Variants in NKX3-2 observed in about 807,000 individuals in gnomAD.
NKX3-2 encodes homeobox protein Nkx-3.2.
A neutral mutation model predicts 19.4 loss-of-function variants in NKX3-2; 13 were observed. That is an observed-to-expected ratio of 0.67 (90% CI 0.44 to 1.07). The LOEUF (loss-of-function observed/expected upper bound fraction) is 1.07, where lower values mean the gene tolerates loss of function less well. NKX3-2 is among the 50% of genes least tolerant of loss of function. NKX3-2 has a pLI of 0.00. For missense variants in NKX3-2, 562 were observed against 488.2 expected, an observed-to-expected ratio of 1.15 and a Z score of -1.42; for synonymous variants, 269 against 230.5, an observed-to-expected ratio of 1.17 and a Z score of -1.51.
chr4:13,547,517 C>A (rs1718164123), upstream of NKX3-2: 1 of 229,994 alleles, frequency 4.3e-6, no homozygotes, highest in Non-Finnish European at 8.5e-6. Context: ...TCCGCGCCCA[C>A]GGGCCCATTT....
rs1718048105 is a variant in NKX3-2, at chr4:13,543,820, ACTT to A, written c.466+126_466+128del. 2.4e-6 allele frequency: 2 copies of A among 850,010 alleles called. No homozygotes were observed. The highest frequency in any genetic ancestry group is 3.4e-6 in the Non-Finnish European group (2 of 579,912). The allele number at this position is 850,010 out of a possible 1,614,324, so 52.7% of individuals were successfully genotyped here. A position where few individuals can be genotyped will look rare whatever the true frequency, so the allele number is the denominator to read the frequency against. On this transcript the variant is annotated intron_variant, in intron 1 of 1. Transcript: ENST00000382438. The surrounding 1 kb of genome is among the most constrained non-coding windows in gnomAD (Gnocchi z 7.1). ...AGAGCAGCTCGCGCCAGAGCGCAGA[ACTT>A]CGGGATTTGGCCAGCCTCCGAGCCC... is the stretch of plus-strand genomic sequence containing the variant.
Position 13,544,239 on chromosome 4 carries a change from T to A in NKX3-2, c.176A>T (p.Asp59Val). ...CTCGGCGCCCCCCAACGCGCCCGCG[T>A]CCCTCTCCCCAAAGAGCCGCCAACA... The part of the protein sequence containing the change: ...VCCWRLFGER[D>V]AGALGGAEDS... The change falls in exon 1 of 2, where the codon GAC (aspartate) becomes GTC (valine). Residue 59 changes from aspartate to valine, a missense_variant. By Grantham distance (152) the Asp-to-Val change is radical. Transcript: ENST00000382438. 1 of 1,586,254 alleles carries A rather than the reference T, an allele frequency of 6.3e-7. No homozygotes were observed. The highest frequency in any genetic ancestry group is 8.5e-7 in the Non-Finnish European group (1 of 1,174,472).
chr4:13,547,137 G>A (rs1718150549), upstream of NKX3-2: 4 of 456,376 alleles, frequency 8.8e-6, no homozygotes, highest in South Asian at 3.1e-5. Context: ...GGGTCGGGTG[G>A]AGATGAAAAG....
Position 13,544,405 on chromosome 4 carries a change from G to T in NKX3-2, c.10C>A (p.Arg4Ser). The T allele has an allele frequency of 1.3e-6, 2 of 1,532,078 alleles. No individual in the cohort carries two copies. The highest frequency in any genetic ancestry group is 8.7e-7 in the Non-Finnish European group (1 of 1,149,506). 94.9% of individuals were successfully genotyped at this position (1,532,078 alleles called of 1,614,324 possible). A position where few individuals can be genotyped will look rare whatever the true frequency, so the allele number is the denominator to read the frequency against. MAV[R>S]GANTLTSFSI... ...AAGGACGTCAAGGTGTTGGCGCCGC[G>T]CACAGCCATCTGCGCCGCGGGCAGG... The change falls in exon 1 of 2, where the codon CGC becomes AGC. Residue 4 changes from arginine (R) to serine (S), a missense_variant. Arg to Ser is a moderately radical substitution (Grantham distance 110, BLOSUM62 -1). Transcript: ENST00000382438.
rs1030895537 is a variant in NKX3-2 at position 13,544,349 on chromosome 4, C to T, written c.66G>A (p.Glu22=). ...CTGGCGCGGCCAGCCCGCCGCGCTC[C>T]TCTTTCTTGTTGAGGATCGCCTGGA... is the stretch of plus-strand genomic sequence containing the variant. ...FSIQAILNKK[E]ERGGLAAPEG... is the part of the protein sequence containing the mutation. The change falls in exon 1 of 2, where the codon GAG becomes GAA. Residue 22 remains glutamate (E), a synonymous_variant. Transcript: ENST00000382438. 1.6e-5 allele frequency: 24 copies of T among 1,542,400 alleles called. No individual in the cohort carries two copies. Among genetic ancestry groups the T allele is most frequent in the Non-Finnish European group, 2.1e-5 (24 of 1,152,886 alleles).
Position 13,542,188 on chromosome 4 carries a change from G to T in NKX3-2, c.807C>A (p.Asp269Glu). 1 of 1,609,388 alleles carries T rather than the reference G, an allele frequency of 6.2e-7. No homozygotes were observed. Among genetic ancestry groups the T allele is most frequent in the South Asian group, 1.1e-5 (1 of 90,412 alleles). ...TGGCGGCGGGCGCCGAGGCCAGCAG[G>T]TCGGCTGCCATCTGCCGGCGCTTTG... ...YKTKRRQMAADLLASAPAAKK... is the reference protein window; with the variant it reads ...YKTKRRQMAAELLASAPAAKK... The change falls in exon 2 of 2, where the codon GAC (aspartate) becomes GAA (glutamate). Residue 269 changes from aspartate to glutamate, a missense_variant. Physicochemically the swap from Asp to Glu is conservative, Grantham distance 45. Transcript: ENST00000382438. The surrounding 1 kb of genome is among the most constrained non-coding windows in gnomAD (Gnocchi z 6.4).
chr4:13,547,255 G>T (rs776322344), upstream of NKX3-2: 1 of 456,248 alleles, frequency 2.2e-6, no homozygotes, highest in South Asian at 1.5e-5. Flanking sequence ...GCCTGCGCCT[G>T]TCGGAGGACG....
upstream of NKX3-2, chr4:13,544,729 C>A (rs919552611): frequency 1.0e-5 from 2 of 192,428 alleles, no homozygotes; most frequent in Non-Finnish European, 2.1e-5. Context: ...GGTCTGCCCC[C>A]TCGGGGGACG....
rs760235144 is a variant in NKX3-2, at chr4:13,544,083, C to A, written c.332G>T (p.Arg111Leu). The A allele has an allele frequency of 1.5e-5, 24 of 1,583,160 alleles. No individual in the cohort carries two copies. The highest frequency in any genetic ancestry group is 6.8e-5 in the African/African-American group (5 of 73,334). Reference sequence around the variant, plus strand: ...CGCAAGGCCGGCCCCGCTGGCCCCCCGCGCGTCCGCGCAGCGCCGCCTGCT... The same window carrying A: ...CGCAAGGCCGGCCCCGCTGGCCCCCAGCGCGTCCGCGCAGCGCCGCCTGCT... Reference protein sequence around the residue: ...NESRRRCADARGASGAGLAGG... With the variant: ...NESRRRCADALGASGAGLAGG... The change falls in exon 1 of 2, where the codon CGG becomes CTG. Residue 111 changes from arginine to leucine, a missense_variant. Transcript: ENST00000382438.
In NKX3-2 at chr4:13,542,622, G is replaced by A. The variant is rs1718019279; in HGVS notation, c.467-94C>T. The A allele has an allele frequency of 1.4e-6, 2 of 1,477,912 alleles. No homozygotes were observed. Among genetic ancestry groups the A allele is most frequent in the Non-Finnish European group, 1.9e-6 (2 of 1,073,826 alleles). 91.5% of individuals were successfully genotyped at this position (1,477,912 alleles called of 1,614,324 possible). A position where few individuals can be genotyped will look rare whatever the true frequency, so the allele number is the denominator to read the frequency against. Reference sequence around the variant, plus strand: ...ACTGCAGGGGTCACGGGAGTGGGGCGGAAATACACTTTGATCCCACTCAAG... The same window carrying A: ...ACTGCAGGGGTCACGGGAGTGGGGCAGAAATACACTTTGATCCCACTCAAG... On this transcript the variant is annotated intron_variant, in intron 1 of 1. Coordinates refer to ENST00000382438, the MANE Select transcript of NKX3-2 (RefSeq NM_001189.4). This position sits in a 1 kb window ranked among gnomAD's most constrained non-coding sequence, Gnocchi z 6.4.
At chr4:13,545,055 G>C (rs1718099280), upstream of NKX3-2, 1 of 152,288 alleles carries the variant, frequency 6.6e-6, no homozygotes, top group Non-Finnish European at 1.5e-5. Context: ...CTCCCGCCCG[G>C]GTGTCATTCC....
Position 13,541,962 on chromosome 4 carries a change from G to A in NKX3-2, c.*31C>T, listed in dbSNP as rs761700765. ...AGCGCCGGTCCGGAGCCGGAGCGCG[G>A]GAATCACTCGCTGCCTCAGCCCAAG... On this transcript the variant is annotated 3_prime_UTR_variant, in exon 2 of 2. Transcript: ENST00000382438. The A allele has an allele frequency of 4.5e-6, 7 of 1,558,418 alleles. No homozygotes were observed. The highest frequency in any genetic ancestry group is 1.2e-5 in the South Asian group (1 of 84,556).
rs1401748209 is a variant in NKX3-2, at chr4:13,542,097, G to C, written c.898C>G (p.Arg300Gly). 6.2e-7 allele frequency: 1 copy of C among 1,606,490 alleles called. No individual in the cohort carries two copies. Among genetic ancestry groups the C allele is most frequent in the African/African-American group, 1.3e-5 (1 of 74,774 alleles). Reference protein sequence around the residue: ...QRQYLPGEVLRPPSLLPLQPS... With the variant: ...QRQYLPGEVLGPPSLLPLQPS... ...TGCAGTGGCAGAAGCGAGGGTGGCC[G>C]CAGCACTTCGCCGGGCAGGTATTGT... The change falls in exon 2 of 2, where the codon CGG (arginine) becomes GGG (glycine). Residue 300 changes from arginine (R) to glycine (G), a missense_variant. Arg to Gly is a moderately radical substitution (Grantham distance 125). Coordinates refer to ENST00000382438, the MANE Select transcript of NKX3-2 (RefSeq NM_001189.4). The surrounding 1 kb of genome is among the most constrained non-coding windows in gnomAD (Gnocchi z 6.4).
At position 13,542,922 on chromosome 4, in the gene NKX3-2, G is replaced by A. The variant is rs902777314; in HGVS notation, c.467-394C>T. On this transcript the variant is annotated intron_variant, in intron 1 of 1. Transcript: ENST00000382438. This position sits in a 1 kb window ranked among gnomAD's most constrained non-coding sequence, Gnocchi z 6.4. ...TTTCCGTCTCTCTGCTTGGGTTCAC[G>A]CGCCTCTCCACACTTAGTTCACACG... 3.3e-5 allele frequency among the ~76,000 whole-genome samples: 5 copies of A among 151,908 alleles called. No homozygotes were observed. The highest frequency in any genetic ancestry group is 1.2e-4 in the African/African-American group (5 of 41,376).
chr4:13,544,381 AG>A lies in NKX3-2; in HGVS notation c.33del (p.Phe12SerfsTer112). On this transcript the variant is annotated frameshift_variant, in exon 1 of 2. Coordinates refer to ENST00000382438, the MANE Select transcript of NKX3-2 (RefSeq NM_001189.4). LOFTEE classifies it high-confidence loss of function. Reference sequence around the variant, plus strand: ...TTGTTGAGGATCGCCTGGATGGAGAAGGACGTCAAGGTGTTGGCGCCGCGCA... The same window carrying A: ...TTGTTGAGGATCGCCTGGATGGAGAAGACGTCAAGGTGTTGGCGCCGCGCA... Reference protein sequence around the residue: MAVRGANTLTSFSIQAILNKK... With the variant: MAVRGANTLTXFSIQAILNKK... The A allele has an allele frequency of 6.5e-7, 1 of 1,549,768 alleles. No individual in the cohort carries two copies. Among genetic ancestry groups the A allele is most frequent in the Non-Finnish European group, 8.6e-7 (1 of 1,157,670 alleles).
Position 13,544,129 on chromosome 4 carries a change from C to G in NKX3-2, c.286G>C (p.Ala96Pro). 1 of 1,604,588 alleles carries G rather than the reference C, an allele frequency of 6.2e-7. No individual in the cohort carries two copies. Among genetic ancestry groups the G allele is most frequent in the Non-Finnish European group, 8.5e-7 (1 of 1,177,914 alleles). The change falls in exon 1 of 2, where the codon GCG becomes CCG. Residue 96 changes from alanine to proline, a missense_variant. Coordinates refer to ENST00000382438, the MANE Select transcript of NKX3-2 (RefSeq NM_001189.4). ...ESPEGWDSDS[A>P]LSEENESRRR... ...CTGCTCTCGTTCTCCTCGCTGAGCG[C>G]GGAGTCCGAGTCCCAGCCTTCCGGG...
Position 13,544,378 on chromosome 4 carries a change from A to G in NKX3-2, c.37T>C (p.Ser13Pro). Residue 13 changes from serine to proline, a missense_variant, in exon 1 of 2, where the codon TCC (serine) becomes CCC (proline). Transcript: ENST00000382438. ...VRGANTLTSF[S>P]IQAILNKKEE... Reference sequence around the variant, plus strand: ...TTCTTGTTGAGGATCGCCTGGATGGAGAAGGACGTCAAGGTGTTGGCGCCG... The same window carrying G: ...TTCTTGTTGAGGATCGCCTGGATGGGGAAGGACGTCAAGGTGTTGGCGCCG... 6.4e-7 allele frequency: 1 copy of G among 1,551,202 alleles called. No individual in the cohort carries two copies. Among genetic ancestry groups the G allele is most frequent in the African/African-American group, 1.4e-5 (1 of 70,956 alleles).
upstream of NKX3-2, chr4:13,546,781 C>A (rs1177976591): frequency 2.6e-6 from 1 of 381,828 alleles, no homozygotes; most frequent in Non-Finnish European, 5.3e-6. Context: ...GTTGCGAATC[C>A]CTCCCCTCTT....
chr4:13,544,048 AG>A lies in NKX3-2; in HGVS notation c.366del (p.Leu123Ter). The A allele has an allele frequency of 6.4e-7, 1 of 1,569,062 alleles. No individual in the cohort carries two copies. Among genetic ancestry groups the A allele is most frequent in the South Asian group, 1.2e-5 (1 of 84,440 alleles). Reference protein sequence around the residue: ...GASGAGLAGGSLSLGQPVCEL... With the variant: ...GASGAGLAGGXLSLGQPVCEL... ...TCACAGACCGGCTGGCCGAGGCTCA[AG>A]GATCCCCCCGCAAGGCCGGCCCCGC... On this transcript the variant is annotated frameshift_variant, in exon 1 of 2. Transcript: ENST00000382438. LOFTEE classifies it high-confidence loss of function.
Sources: gnomAD v4.1 joint callset for allele counts (sites outside exome capture counted in the v4.1 genomes callset) on GRCh38, gnomAD v4.1.1 for gene constraint, Gnocchi (gnomAD v3.1) non-coding constraint, MANE v1.5 for transcripts, NCBI Gene and HGNC (gene_info 2026-07-23, HGNC 2026-07-21) for gene names.